CATSPERD: variants seen among roughly 807,000 people sequenced by gnomAD.
The protein encoded by CATSPERD is cation channel sperm-associated auxiliary subunit delta.
CATSPERD carries 86 observed loss-of-function variants against 98.1 expected under a neutral mutation model. The ratio of observed to expected loss-of-function variants is 0.88; its 90% CI spans 0.74 to 1.05. The LOEUF is 1.05. Among genes scored for constraint, CATSPERD ranks in the 50% least tolerant of loss-of-function variants. The pLI is 0.00. For missense variants in CATSPERD, 995 were observed against 1,005.7 expected (o/e 0.99, Z 0.14); for synonymous variants, 394 against 390.2 (o/e 1.01, Z -0.12).
chr19:5,749,481 G>A (rs2056162427), intron 11 of CATSPERD, among the ~76,000 whole-genome samples: 1 of 152,142 alleles, frequency 6.6e-6, no homozygotes, highest in Non-Finnish European at 1.5e-5. Flanking sequence ...TTATGAATTA[G>A]TTGGTAAGGA....
intron 4 of CATSPERD, among the ~76,000 whole-genome samples, chr19:5,732,421 GT>G (rs2055744343): frequency 6.6e-6 from 1 of 151,318 alleles, no homozygotes; most frequent in African/African-American, 2.4e-5. Flanking sequence ...CATACATGGT[GT>G]TTTTTGTTTG....
At chr19:5,734,800 T>TAAA (rs762370098) in intron 5 of CATSPERD, among the ~76,000 whole-genome samples, 1 of 134,894 alleles carries the variant, frequency 7.4e-6, no homozygotes, top group African/African-American at 2.7e-5. Flanking sequence ...AGACTCTGTC[T>TAAA]AAAAAAAAAA....
At position 5,746,034 on chromosome 19, in the gene CATSPERD, A is replaced by G; in HGVS notation, c.779A>G (p.Glu260Gly). The change falls in exon 9 of 22, where the codon GAG (glutamate) becomes GGG (glycine). Residue 260 changes from glutamate to glycine, a missense_variant. Physicochemically the swap from Glu to Gly is moderately conservative, Grantham distance 98. This residue lies in a region of CATSPERD where 762 missense variants were observed against 773.7 expected (regional missense o/e 0.98). Transcript: ENST00000381624. ...GQRGILLLWF[E>G]NSLLFSHNAG... ...AGAGGCATCCTGCTCCTATGGTTTG[A>G]GAACAGCCTGTTGTTTTCCCATAAT... 1 of 1,614,078 alleles carries G rather than the reference A, an allele frequency of 6.2e-7. No homozygotes were observed. Among genetic ancestry groups the G allele is most frequent in the Non-Finnish European group, 8.5e-7 (1 of 1,180,028 alleles).
intron 7 of CATSPERD, 125 bp downstream of exon 7, chr19:5,739,564 G>T (rs1057228130): frequency 1.8e-6 from 1 of 556,260 alleles, no homozygotes; most frequent in Admixed American, 3.6e-5. Flanking sequence ...AGGAGTGGTG[G>T]CTCATGCCTG....
chr19:5,754,049 G>T (rs957413705), intron 12 of CATSPERD, 83 bp from the exon 13 acceptor site: 19 of 885,696 alleles, frequency 2.1e-5, no homozygotes, highest in Admixed American at 1.1e-4. Context: ...GACCAGGAGG[G>T]TCCCTTCCTC....
At chr19:5,725,840 C>T (rs996624452) in intron 2 of CATSPERD, among the ~76,000 whole-genome samples, 1 of 151,822 alleles carries the variant, frequency 6.6e-6, no homozygotes, top group Non-Finnish European at 1.5e-5. Flanking sequence ...GCAGAGGTTA[C>T]AGTGAACCAA....
Position 5,724,876 on chromosome 19 carries a change from T to G in CATSPERD, c.126+14T>G. 3 of 1,613,264 alleles carry G rather than the reference T, an allele frequency of 1.9e-6. No homozygotes were observed. Among genetic ancestry groups the G allele is most frequent in the Non-Finnish European group, 2.5e-6 (3 of 1,179,206 alleles). ...GACGTTCAAGGGGTATGTGGCTCCA[T>G]GCTTAAATTCATCCTTCACTTTTGT... On this transcript the variant is annotated intron_variant, in intron 2 of 21. Coordinates refer to ENST00000381624, the MANE Select transcript of CATSPERD (RefSeq NM_152784.4).
In CATSPERD at chr19:5,751,771, T is replaced by G; in HGVS notation, c.1112T>G (p.Val371Gly). Residue 371 changes from valine to glycine, a missense_variant, in exon 12 of 22, where the codon GTG (valine) becomes GGG (glycine). Coordinates refer to ENST00000381624, the MANE Select transcript of CATSPERD (RefSeq NM_152784.4). Reference protein sequence around the residue: ...FPAFDFQKCLVNIQALLMDPE... With the variant: ...FPAFDFQKCLGNIQALLMDPE... ...GCTTTTGATTTCCAGAAGTGCCTCG[T>G]GAATATCCAGGCGCTTCTCATGGAC... The G allele has an allele frequency of 6.2e-7, 1 of 1,613,688 alleles. No homozygotes were observed. Among genetic ancestry groups the G allele is most frequent in the Non-Finnish European group, 8.5e-7 (1 of 1,179,886 alleles).
At chr19:5,739,477 T>G (rs754118836) in intron 7 of CATSPERD, 38 bp downstream of exon 7, 2 of 1,152,558 alleles carry the variant, frequency 1.7e-6, no homozygotes, top group Non-Finnish European at 1.3e-6. Context: ...AATAAATACA[T>G]ATGTACCTTG....
At chr19:5,766,007 A>C in intron 16 of CATSPERD, 96 bp from the exon 17 acceptor site, 1 of 911,732 alleles carries the variant, frequency 1.1e-6, no homozygotes. Context: ...ATGGTTTCCA[A>C]ACCATTCCCA....
At chr19:5,737,476 G>A (rs2145722207) in intron 6 of CATSPERD, among the ~76,000 whole-genome samples, 1 of 147,688 alleles carries the variant, frequency 6.8e-6, no homozygotes, top group African/African-American at 2.5e-5. Flanking sequence ...CTTGAGCCCA[G>A]GAGATCGAGG....
intron 21 of CATSPERD, 152 bp from the exon 22 acceptor site, chr19:5,778,224 A>AT: frequency 7.1e-6 from 4 of 562,440 alleles, no homozygotes; most frequent in Non-Finnish European, 1.2e-5. Flanking sequence ...AAAAAAAAAA[A>AT]GGCATAGTGG....
chr19:5,744,582 C>G, intron 8 of CATSPERD, 72 bp downstream of exon 8: 4 of 954,902 alleles, frequency 4.2e-6, no homozygotes, highest in Non-Finnish European at 6.3e-6. Flanking sequence ...ACAACTCGCA[C>G]ATTTTTAAAC....
Position 5,776,330 on chromosome 19 carries a change from C to A in CATSPERD, c.2096+15C>A. ...CCGTACTACAGGTGAGTGGGCCCATCTGCCCCTACGACAGGGGACGCCTGG... is the reference window on the plus strand; with the variant it reads ...CCGTACTACAGGTGAGTGGGCCCATATGCCCCTACGACAGGGGACGCCTGG... On this transcript the variant is annotated intron_variant, in intron 21 of 21. Transcript: ENST00000381624. 6.2e-7 allele frequency: 1 copy of A among 1,612,950 alleles called. No homozygotes were observed. Among genetic ancestry groups the A allele is most frequent in the Non-Finnish European group, 8.5e-7 (1 of 1,179,112 alleles).
intron 19 of CATSPERD, chr19:5,772,428 C>T (rs747934101): frequency 8.4e-5 from 22 of 263,232 alleles, no homozygotes; most frequent in Admixed American, 8.1e-4. Flanking sequence ...AGGGTTTCAC[C>T]GTGTTAGCCA....
At chr19:5,755,399 C>A (rs1029307159) in intron 13 of CATSPERD, among the ~76,000 whole-genome samples, 2 of 151,990 alleles carry the variant, frequency 1.3e-5, no homozygotes, top group Non-Finnish European at 2.9e-5. Context: ...TATACAAAAA[C>A]TATTATACTC....
At chr19:5,758,176 T>G (rs538699182) in intron 14 of CATSPERD, among the ~76,000 whole-genome samples, 2 of 152,080 alleles carry the variant, frequency 1.3e-5, no homozygotes, top group South Asian at 2.1e-4. Flanking sequence ...TAGCCGGAGA[T>G]CTGAGTTAGT....
In CATSPERD at chr19:5,748,206, G is replaced by A; in HGVS notation, c.855G>A (p.Leu285=). ...TVRVKKGDQT[L]FSSIFEAKIT... ...GGGTGAAAAAAGGAGACCAGACCTT[G>A]TTTTCTTCCATTTTTGAAGCCAAGA... Residue 285 remains leucine (L), a synonymous_variant, in exon 10 of 22, where the codon TTG becomes TTA. Transcript: ENST00000381624. The A allele has an allele frequency of 1.2e-6, 2 of 1,613,976 alleles. No homozygotes were observed. Among genetic ancestry groups the A allele is most frequent in the Non-Finnish European group, 1.7e-6 (2 of 1,179,972 alleles).
chr19:5,762,288 T>C (rs1179325572), intron 15 of CATSPERD, among the ~76,000 whole-genome samples: 1 of 151,026 alleles, frequency 6.6e-6, no homozygotes, highest in African/African-American at 2.4e-5. Flanking sequence ...GGTCTCGAAC[T>C]CCTTACCTCA....
Sources: allele counts gnomAD v4.1 joint callset (sites outside exome capture counted in the v4.1 genomes callset), GRCh38; gene constraint gnomAD v4.1.1; regional missense constraint gnomAD v4.1.1; transcripts MANE v1.5; gene names NCBI Gene and HGNC (gene_info 2026-07-23, HGNC 2026-07-21).